Variants in DHX15 observed in about 807,000 individuals in gnomAD.
DHX15 encodes DEAH-box helicase 15, also known as ATP-dependent RNA helicase DHX15.
DHX15 carries 11 observed loss-of-function variants against 94.4 expected under a neutral mutation model. That is an observed-to-expected ratio of 0.12 (90% CI 0.07 to 0.19). DHX15 has a LOEUF of 0.19. Among genes scored for constraint, DHX15 ranks in the 10% least tolerant of loss-of-function variants. The pLI is 1.00. For missense variants in DHX15, 304 were observed against 988.5 expected, an observed-to-expected ratio of 0.31 and a Z score of 9.29; for synonymous variants, 338 against 329.9, an observed-to-expected ratio of 1.02 and a Z score of -0.27.
intron 13 of DHX15, 84 bp from the exon 14 acceptor site, chr4:24,528,125 A>C (rs895696740): frequency 5.8e-5 from 51 of 879,424 alleles, no homozygotes; most frequent in Non-Finnish European, 9.1e-5. Context: ...ATTATTCATT[A>C]ATATACTGAT....
In DHX15 at chr4:24,537,269, G is replaced by A. The variant is rs1721216551; in HGVS notation, c.1787-96C>T. ...CAAGGCCTAGCTAGGTCAGTTCACA[G>A]AGCATAGGGCAGGGCAGGATGGCCT... On this transcript the variant is annotated intron_variant, in intron 10 of 13. Coordinates refer to ENST00000336812, the MANE Select transcript of DHX15 (RefSeq NM_001358.3). The surrounding 1 kb of genome is among the most constrained non-coding windows in gnomAD (Gnocchi z 4.7). 1 of 1,548,410 alleles carries A rather than the reference G, an allele frequency of 6.5e-7. No homozygotes were observed. Among genetic ancestry groups the A allele is most frequent in the African/African-American group, 1.4e-5 (1 of 73,550 alleles).
chr4:24,537,731 T>C lies in DHX15; in HGVS notation c.1787-558A>G, dbSNP rs1412283673. On this transcript the variant is annotated intron_variant, in intron 10 of 13. Transcript: ENST00000336812. The surrounding 1 kb of genome is among the most constrained non-coding windows in gnomAD (Gnocchi z 4.7). ...CTATTAGCACCGGTGAGCAGAAGCA[T>C]ATGTAAACATAAAAATATCAAGAAT... is the stretch of plus-strand genomic sequence containing the variant. 1 of 152,156 alleles carries C rather than the reference T, an allele frequency of 6.6e-6. No homozygotes were observed. Among genetic ancestry groups the C allele is most frequent in the African/African-American group, 2.4e-5 (1 of 41,440 alleles). 9.4% of individuals were successfully genotyped at this position (152,156 alleles called of 1,614,324 possible).
intron 6 of DHX15, among the ~76,000 whole-genome samples, chr4:24,543,657 T>C (rs1364309730): frequency 6.6e-6 from 1 of 152,180 alleles, no homozygotes; most frequent in Admixed American, 6.5e-5. Flanking sequence ...ACGGAAAATG[T>C]TTAAAGCATT....
chr4:24,580,340 G>T (rs1577353563), intron 1 of DHX15, among the ~76,000 whole-genome samples: 1 of 152,170 alleles, frequency 6.6e-6, no homozygotes, highest in Middle Eastern at 3.4e-3. Flanking sequence ...CCTGGAATTT[G>T]AGACTGCAGT....
At chr4:24,558,098 C>A (rs1028862602) in intron 3 of DHX15, among the ~76,000 whole-genome samples, 16 of 152,162 alleles carry the variant, frequency 1.1e-4, no homozygotes, top group African/African-American at 3.9e-4. Flanking sequence ...AACATGGAAT[C>A]ATAGTGTAAT....
At chr4:24,534,721 A>T (rs1050606847) in intron 11 of DHX15, among the ~76,000 whole-genome samples, 4 of 152,140 alleles carry the variant, frequency 2.6e-5, no homozygotes, top group African/African-American at 4.8e-5. Flanking sequence ...TAGTATTAAG[A>T]CAACATTTTA....
chr4:24,573,078 T>C (rs535662597), intron 2 of DHX15, among the ~76,000 whole-genome samples: 10 of 152,244 alleles, frequency 6.6e-5, no homozygotes, highest in East Asian at 3.9e-4. Flanking sequence ...GCCCAGCTGA[T>C]TTCTGTATTT....
At chr4:24,565,346 T>C (rs1210746293) in intron 3 of DHX15, among the ~76,000 whole-genome samples, 1 of 152,240 alleles carries the variant, frequency 6.6e-6, no homozygotes, top group Non-Finnish European at 1.5e-5. Context: ...AGTAACTTTT[T>C]AGTCCTCTGG....
chr4:24,536,206 T>G (rs1261932019), intron 11 of DHX15, among the ~76,000 whole-genome samples: 5 of 152,212 alleles, frequency 3.3e-5, no homozygotes, highest in African/African-American at 1.2e-4. Flanking sequence ...GATAAGATGA[T>G]TTAAAGCTAG....
Position 24,560,432 on chromosome 4 carries a change from G to A in DHX15, c.702-4022C>T, listed in dbSNP as rs61515591. On this transcript the variant is annotated intron_variant, in intron 3 of 13. Coordinates refer to ENST00000336812, the MANE Select transcript of DHX15 (RefSeq NM_001358.3). ...ATTAAATTATTTAAACCAACACTGGGCAGGGTATGATGCAAAACCTGGACA... is the reference window on the plus strand; with the variant it reads ...ATTAAATTATTTAAACCAACACTGGACAGGGTATGATGCAAAACCTGGACA... Among the ~76,000 whole-genome samples, 6 of 95,020 alleles carry A rather than the reference G, an allele frequency of 6.3e-5. No homozygotes were observed. The Admixed American group carries it at 6.9e-4, about 11-fold the overall frequency. 62.3% of individuals were successfully genotyped at this position (95,020 alleles called of 152,430 possible).
At chr4:24,542,642 C>CT in intron 7 of DHX15, among the ~76,000 whole-genome samples, 1 of 151,964 alleles carries the variant, frequency 6.6e-6, no homozygotes, top group South Asian at 2.1e-4. Flanking sequence ...AAATCCTGTA[C>CT]TTTATTACTA....
chr4:24,534,852 A>C (rs1184509928), intron 11 of DHX15, among the ~76,000 whole-genome samples: 1 of 152,138 alleles, frequency 6.6e-6, no homozygotes, highest in Non-Finnish European at 1.5e-5. Context: ...AATAACATAC[A>C]ACCATTTAAA....
intron 7 of DHX15, 139 bp from the exon 8 acceptor site, chr4:24,542,161 G>C: frequency 3.0e-6 from 2 of 655,938 alleles, no homozygotes; most frequent in East Asian, 6.0e-5. Flanking sequence ...TGCTACAATA[G>C]ACAACCCACC....
At chr4:24,533,112 G>T in intron 11 of DHX15, 58 bp from the exon 12 acceptor site, 3 of 1,394,782 alleles carry the variant, frequency 2.2e-6, no homozygotes, top group Non-Finnish European at 3.1e-6. Flanking sequence ...ACACAGGAAT[G>T]TTCTCTAATT....
At chr4:24,580,850 T>C (rs1177929259) in intron 1 of DHX15, 1 of 151,744 alleles carries the variant, frequency 6.6e-6, no homozygotes, top group African/African-American at 2.4e-5. Context: ...CAATCTTATT[T>C]CCAGGAACCT....
chr4:24,567,392 T>A (rs1238361642), intron 3 of DHX15, among the ~76,000 whole-genome samples: 2 of 150,914 alleles, frequency 1.3e-5, no homozygotes, highest in East Asian at 1.9e-4. Context: ...GCCTGGCCAA[T>A]GTGGTGAAAC....
chr4:24,557,118 T>C (rs762184350), intron 3 of DHX15, among the ~76,000 whole-genome samples: 3 of 152,186 alleles, frequency 2.0e-5, no homozygotes, highest in Admixed American at 6.5e-5. Flanking sequence ...GCTGCTAATA[T>C]GGACTCCAGT....
intron 11 of DHX15, chr4:24,534,295 A>C (rs937244779): frequency 8.5e-5 from 13 of 152,196 alleles, no homozygotes; most frequent in African/African-American, 3.1e-4. Flanking sequence ...AAAAATGCCC[A>C]AGCTGGACAA....
At chr4:24,547,950 T>C (rs200955003) in intron 6 of DHX15, among the ~76,000 whole-genome samples, 460 of 12,062 alleles carry the variant, frequency 0.038, 5 homozygotes, top group African/African-American at 0.1. Flanking sequence ...TATCTATATC[T>C]ATATCTATAT....
Sources: gnomAD v4.1 joint callset for allele counts (sites outside exome capture counted in the v4.1 genomes callset) on GRCh38, gnomAD v4.1.1 for gene constraint, Gnocchi (gnomAD v3.1) non-coding constraint, MANE v1.5 for transcripts, NCBI Gene and HGNC (gene_info 2026-07-23, HGNC 2026-07-21) for gene names.